CDH7: variants seen among roughly 807,000 people sequenced by gnomAD.
CDH7 encodes cadherin 7.
A neutral mutation model predicts 71.8 loss-of-function variants in CDH7; 25 were observed. The observed-to-expected ratio is 0.35, with a 90% CI of 0.25 to 0.49. The LOEUF (loss-of-function observed/expected upper bound fraction) is 0.49, where lower values mean the gene tolerates loss of function less well. Among genes scored for constraint, CDH7 ranks in the 20% least tolerant of loss-of-function variants. CDH7 has a pLI of 0.99. For missense variants in CDH7, 862 were observed against 974.6 expected (o/e 0.88, Z 1.54); for synonymous variants, 381 against 363.8 (o/e 1.05, Z -0.54).
intron 3 of CDH7, among the ~76,000 whole-genome samples, chr18:65,812,767 C>T (rs1217282965): frequency 6.6e-6 from 1 of 152,060 alleles, no homozygotes; most frequent in East Asian, 1.9e-4. Context: ...TGTTATTGTA[C>T]ACAGCCAAAC....
chr18:65,805,680 C>T (rs1215977329), intron 2 of CDH7, among the ~76,000 whole-genome samples: 3 of 152,152 alleles, frequency 2.0e-5, no homozygotes, highest in Non-Finnish European at 4.4e-5. Flanking sequence ...TTGGCTGGAC[C>T]ATCGGGAAGC....
chr18:65,770,021 A>C (rs528815206), intron 2 of CDH7, among the ~76,000 whole-genome samples: 1 of 152,302 alleles, frequency 6.6e-6, no homozygotes, highest in East Asian at 1.9e-4. Flanking sequence ...GATGGGAATA[A>C]ATACTACTGC....
At chr18:65,830,566 C>T (rs1341057268) in intron 6 of CDH7, among the ~76,000 whole-genome samples, 3 of 149,572 alleles carry the variant, frequency 2.0e-5, no homozygotes, top group Non-Finnish European at 3.0e-5. Flanking sequence ...TCCTTCCTCT[C>T]TCTCTCCTTC....
chr18:65,825,679 C>T (rs1301570063), intron 6 of CDH7, among the ~76,000 whole-genome samples: 2 of 151,578 alleles, frequency 1.3e-5, no homozygotes, highest in Admixed American at 6.6e-5. Flanking sequence ...TAATACTTTT[C>T]AATAATTAGC....
chr18:65,823,214 A>G (rs1263217071), intron 5 of CDH7, among the ~76,000 whole-genome samples: 1 of 151,878 alleles, frequency 6.6e-6, no homozygotes, highest in Non-Finnish European at 1.5e-5. Flanking sequence ...ATATTATTAT[A>G]CAAGAAATGG....
chr18:65,758,804 A>T (rs1916106222), intron 1 of CDH7, among the ~76,000 whole-genome samples: 2 of 152,228 alleles, frequency 1.3e-5, no homozygotes, highest in South Asian at 4.1e-4. Flanking sequence ...TTTCATATCA[A>T]AAAATGAGGT....
At chr18:65,838,602 C>T (rs1912617269) in intron 6 of CDH7, among the ~76,000 whole-genome samples, 1 of 152,110 alleles carries the variant, frequency 6.6e-6, no homozygotes, top group Non-Finnish European at 1.5e-5. Context: ...ACATTAACAA[C>T]ATTGTTGGCT....
At chr18:65,830,049 A>T (rs1912282358) in intron 6 of CDH7, among the ~76,000 whole-genome samples, 1 of 152,198 alleles carries the variant, frequency 6.6e-6, no homozygotes, top group Admixed American at 6.5e-5. Flanking sequence ...TGGATTCATA[A>T]CAATGTTTTT....
intron 2 of CDH7, among the ~76,000 whole-genome samples, chr18:65,778,442 T>C (rs915659725): frequency 6.6e-6 from 1 of 150,704 alleles, no homozygotes; most frequent in Non-Finnish European, 1.5e-5. Context: ...ATATCCACCA[T>C]CCTTCAATTC....
chr18:65,783,635 G>A (rs568483187), intron 2 of CDH7, among the ~76,000 whole-genome samples: 1 of 152,258 alleles, frequency 6.6e-6, no homozygotes, highest in African/African-American at 2.4e-5. Flanking sequence ...TTGAGAGGAC[G>A]TTGGTGGGCT....
intron 6 of CDH7, among the ~76,000 whole-genome samples, chr18:65,825,312 C>T (rs1175863007): frequency 6.6e-6 from 1 of 151,830 alleles, no homozygotes; most frequent in African/African-American, 2.4e-5. Flanking sequence ...AATTGGAAGA[C>T]TTGCATATTT....
intron 7 of CDH7, among the ~76,000 whole-genome samples, chr18:65,849,796 A>G (rs1274157735): frequency 6.6e-6 from 1 of 151,590 alleles, no homozygotes; most frequent in Non-Finnish European, 1.5e-5. Flanking sequence ...TTTTTGGAAG[A>G]CTCCAGGTAA....
At chr18:65,788,865 G>A (rs1910605901) in intron 2 of CDH7, among the ~76,000 whole-genome samples, 1 of 152,144 alleles carries the variant, frequency 6.6e-6, no homozygotes. Flanking sequence ...TTGACCTATA[G>A]CTAACACAGT....
At chr18:65,865,187 G>T (rs1158173956) in intron 11 of CDH7, 1 of 152,076 alleles carries the variant, frequency 6.6e-6, no homozygotes, top group Non-Finnish European at 1.5e-5. Flanking sequence ...TGCGATTTAG[G>T]TTGCTTGATG....
At chr18:65,853,364 T>TC (rs1036122469) in intron 7 of CDH7, among the ~76,000 whole-genome samples, 3 of 145,738 alleles carry the variant, frequency 2.1e-5, no homozygotes, top group African/African-American at 5.0e-5. Flanking sequence ...CTTTCAGACT[T>TC]CTTTTAGGGC....
chr18:65,811,988 G>A (rs1159135301), intron 3 of CDH7, among the ~76,000 whole-genome samples: 1 of 17,432 alleles, frequency 5.7e-5, no homozygotes, highest in Middle Eastern at 0.038. Flanking sequence ...TTTTTTTTGC[G>A]AGATGGAGTC....
intron 11 of CDH7, among the ~76,000 whole-genome samples, chr18:65,875,484 G>GGT (rs148008012): frequency 0.027 from 4,082 of 152,254 alleles, 93 homozygotes; most frequent in Middle Eastern, 0.054. Flanking sequence ...TTTGTAGTAT[G>GGT]GTGTGTGTTT....
chr18:65,858,245 G>A (rs1568224232), intron 8 of CDH7, among the ~76,000 whole-genome samples: 1 of 151,948 alleles, frequency 6.6e-6, no homozygotes, highest in South Asian at 2.1e-4. Flanking sequence ...CTGTTATGGA[G>A]TTAGTGAAAT....
chr18:65,780,445 G>A (rs1910136391), intron 2 of CDH7, among the ~76,000 whole-genome samples: 2 of 136,096 alleles, frequency 1.5e-5, no homozygotes, highest in Non-Finnish European at 3.1e-5. Flanking sequence ...TAGGTCTAAT[G>A]TTTAAATCTT....
Sources: gnomAD v4.1 joint callset for allele counts (sites outside exome capture counted in the v4.1 genomes callset) on GRCh38, gnomAD v4.1.1 for gene constraint, MANE v1.5 for transcripts, NCBI Gene and HGNC (gene_info 2026-07-23, HGNC 2026-07-21) for gene names.